Variants in HPSE2 observed in about 807,000 individuals in gnomAD.
HPSE2 encodes the protein heparanase 2 (inactive), also known as inactive heparanase-2.
HPSE2 carries 38 observed loss-of-function variants against 60.5 expected under a neutral mutation model. That is an observed-to-expected ratio of 0.63 (90% CI 0.48 to 0.82). The LOEUF (loss-of-function observed/expected upper bound fraction) is 0.82, where lower values mean the gene tolerates loss of function less well. HPSE2 is among the 40% of genes least tolerant of loss of function. HPSE2 has a pLI of 0.00. For synonymous variants in HPSE2, 295 were observed against 293.2 expected, an observed-to-expected ratio of 1.01 and a Z score of -0.06; for missense variants, 713 against 740.4, an observed-to-expected ratio of 0.96 and a Z score of 0.43.
chr10:99,017,793 A>T (rs1396177465), intron 3 of HPSE2, among the ~76,000 whole-genome samples: 1 of 152,066 alleles, frequency 6.6e-6, no homozygotes, highest in Non-Finnish European at 1.5e-5. Flanking sequence ...ACTTTTCCTT[A>T]TGTTGACATT....
At chr10:99,179,870 G>T (rs1847689885) in intron 2 of HPSE2, among the ~76,000 whole-genome samples, 1 of 151,994 alleles carries the variant, frequency 6.6e-6, no homozygotes, top group African/African-American at 2.4e-5. Flanking sequence ...TATACTGAAA[G>T]CCACAGTAAC....
intron 10 of HPSE2, among the ~76,000 whole-genome samples, chr10:98,484,709 T>G (rs1381891951): frequency 2.0e-5 from 3 of 152,252 alleles, no homozygotes; most frequent in Non-Finnish European, 2.9e-5. Context: ...GATTTCTTCT[T>G]TTGCTGTTTT....
At chr10:98,682,822 GAC>G (rs1947820038) in intron 6 of HPSE2, among the ~76,000 whole-genome samples, 1 of 152,076 alleles carries the variant, frequency 6.6e-6, no homozygotes, top group South Asian at 2.1e-4. Flanking sequence ...AGGGTCCTGA[GAC>G]AAAAAAGTTG....
chr10:99,188,596 T>A (rs1244474283), intron 2 of HPSE2, among the ~76,000 whole-genome samples: 1 of 152,026 alleles, frequency 6.6e-6, no homozygotes, highest in African/African-American at 2.4e-5. Flanking sequence ...TCATACAACA[T>A]ATTGGAAAAA....
intron 5 of HPSE2, among the ~76,000 whole-genome samples, chr10:98,714,822 C>G (rs1323247597): frequency 6.6e-6 from 1 of 151,784 alleles, no homozygotes; most frequent in African/African-American, 2.4e-5. Flanking sequence ...TGCAATTTTT[C>G]TACATCCTCT....
At chr10:98,481,241 CCT>C (rs1941223091) in intron 11 of HPSE2, among the ~76,000 whole-genome samples, 1 of 152,158 alleles carries the variant, frequency 6.6e-6, no homozygotes, top group Non-Finnish European at 1.5e-5. Context: ...CACTCATGAT[CCT>C]CAGAAAATCA....
intron 3 of HPSE2, among the ~76,000 whole-genome samples, chr10:98,984,986 CTA>C (rs1485200485): frequency 6.6e-6 from 1 of 152,086 alleles, no homozygotes; most frequent in Non-Finnish European, 1.5e-5. Flanking sequence ...AAATATGGGA[CTA>C]TGTGAAAAGA....
intron 3 of HPSE2, among the ~76,000 whole-genome samples, chr10:99,055,092 T>C (rs1958081403): frequency 6.6e-6 from 1 of 152,194 alleles, no homozygotes; most frequent in South Asian, 2.1e-4. Flanking sequence ...ACCAGCTATA[T>C]ATGGAAAATG....
At chr10:99,252,705 T>C in the HPSE2 span, among the ~76,000 whole-genome samples, 1 of 151,852 alleles carries the variant, frequency 6.6e-6, no homozygotes, top group Non-Finnish European at 1.5e-5. Context: ...TGAAACCCCA[T>C]CTCTACTAAA....
At chr10:98,556,844 T>C (rs981080284) in intron 9 of HPSE2, among the ~76,000 whole-genome samples, 2 of 151,870 alleles carry the variant, frequency 1.3e-5, no homozygotes, top group East Asian at 1.9e-4. Flanking sequence ...AAGCCAAAAA[T>C]ATCAAAAGTA....
intron 3 of HPSE2, among the ~76,000 whole-genome samples, chr10:98,951,810 T>C (rs143385703): frequency 9.2e-5 from 14 of 152,248 alleles, no homozygotes; most frequent in African/African-American, 3.1e-4. Context: ...TAAATAATAA[T>C]AAAGCTAACA....
At chr10:98,770,945 A>G (rs990284959) in intron 3 of HPSE2, among the ~76,000 whole-genome samples, 4 of 152,156 alleles carry the variant, frequency 2.6e-5, no homozygotes, top group African/African-American at 9.7e-5. Context: ...TAAATATTTC[A>G]TTAGTGGTTA....
intron 3 of HPSE2, among the ~76,000 whole-genome samples, chr10:99,000,727 T>A (rs1181953271): frequency 1.3e-5 from 2 of 152,126 alleles, no homozygotes; most frequent in Non-Finnish European, 2.9e-5. Context: ...ATTACTTATT[T>A]GAAAAGATTG....
chr10:99,098,886 T>C (rs1843824169), intron 3 of HPSE2, among the ~76,000 whole-genome samples: 1 of 152,194 alleles, frequency 6.6e-6, no homozygotes. Flanking sequence ...CATAAACTAG[T>C]ACATAAAGAG....
chr10:98,687,528 T>G (rs1947948162), intron 6 of HPSE2, among the ~76,000 whole-genome samples: 1 of 152,214 alleles, frequency 6.6e-6, no homozygotes. Flanking sequence ...TAATTCCATC[T>G]GCAACCTTAA....
At chr10:99,045,124 A>G (rs1957826311) in intron 3 of HPSE2, among the ~76,000 whole-genome samples, 1 of 152,136 alleles carries the variant, frequency 6.6e-6, no homozygotes, top group Non-Finnish European at 1.5e-5. Context: ...CATAAACCAA[A>G]CTTCAATAAA....
chr10:98,988,275 T>A (rs1589472156), intron 3 of HPSE2, among the ~76,000 whole-genome samples: 1 of 152,288 alleles, frequency 6.6e-6, no homozygotes, highest in African/African-American at 2.4e-5. Flanking sequence ...CAAAACAGCA[T>A]GCTACTGGTA....
Position 98,935,335 on chromosome 10 carries a change from G to A in HPSE2, c.611-191279C>T, listed in dbSNP as rs1465064054. ...CCCATTCTGTGTCCTTGCTGGAGAC[G>A]AGTTACAATCATTTGGAGGAGAGGA... On this transcript the variant is annotated intron_variant, in intron 3 of 11. Coordinates refer to ENST00000370552, the MANE Select transcript of HPSE2 (RefSeq NM_021828.5). 2.1e-5 allele frequency among the ~76,000 whole-genome samples: 3 copies of A among 142,968 alleles called. 1 individual carries two copies. Among genetic ancestry groups the A allele is most frequent in the African/African-American group, 8.6e-5 (3 of 34,858 alleles). 93.8% of individuals were successfully genotyped at this position (142,968 alleles called of 152,430 possible).
chr10:99,164,380 A>G (rs1339409098), intron 2 of HPSE2, among the ~76,000 whole-genome samples: 3 of 150,318 alleles, frequency 2.0e-5, no homozygotes, highest in Non-Finnish European at 4.4e-5. Flanking sequence ...CTGAGCTTCT[A>G]TAATTTTTTG....
Sources: gnomAD v4.1 joint callset for allele counts (sites outside exome capture counted in the v4.1 genomes callset) on GRCh38, gnomAD v4.1.1 for gene constraint, MANE v1.5 for transcripts, NCBI Gene and HGNC (gene_info 2026-07-23, HGNC 2026-07-21) for gene names.